Variants in CTNNA2 observed in about 807,000 individuals in gnomAD.
The protein encoded by CTNNA2 is catenin alpha-2.
CTNNA2 carries 42 observed loss-of-function variants against 101.0 expected under a neutral mutation model. The observed-to-expected ratio is 0.42, with a 90% CI of 0.32 to 0.54. The LOEUF (loss-of-function observed/expected upper bound fraction) is 0.54. Among genes scored for constraint, CTNNA2 ranks in the 20% least tolerant of loss-of-function variants. The pLI, the probability that CTNNA2 is intolerant of heterozygous loss-of-function variation, is 0.14. For missense variants in CTNNA2, 871 were observed against 1,223.1 expected (o/e 0.71, Z 4.29); for synonymous variants, 450 against 456.4 (o/e 0.99, Z 0.18).
intron 9 of CTNNA2, among the ~76,000 whole-genome samples, chr2:80,536,835 A>G (rs1053526342): frequency 3.9e-5 from 6 of 152,154 alleles, no homozygotes; most frequent in African/African-American, 1.2e-4. Flanking sequence ...TACAGCCACG[A>G]TGTAGTTTAT....
intron 2 of CTNNA2, among the ~76,000 whole-genome samples, chr2:79,261,474 T>G (rs939458510): frequency 3.3e-5 from 5 of 152,198 alleles, no homozygotes; most frequent in African/African-American, 7.2e-5. Flanking sequence ...TCACAGACTG[T>G]GTGGCTTAAA....
At chr2:79,965,599 G>A (rs779576561) in intron 7 of CTNNA2, among the ~76,000 whole-genome samples, 4 of 152,054 alleles carry the variant, frequency 2.6e-5, no homozygotes, top group Non-Finnish European at 5.9e-5. Context: ...CAAGGGGGGC[G>A]GATCACTTGA....
chr2:80,557,721 T>TG (rs1379292972), intron 12 of CTNNA2, among the ~76,000 whole-genome samples: 2 of 152,230 alleles, frequency 1.3e-5, no homozygotes, highest in Admixed American at 1.3e-4. Flanking sequence ...CTTGGACTGC[T>TG]TTGACAACAG....
chr2:80,279,615 C>T (rs955633644), intron 7 of CTNNA2, among the ~76,000 whole-genome samples: 12 of 152,056 alleles, frequency 7.9e-5, no homozygotes, highest in Non-Finnish European at 1.6e-4. Flanking sequence ...GCTTTGATGG[C>T]ACCCACCAAT....
rs1355024985 is a variant in CTNNA2 at position 80,404,366 on chromosome 2, C to T, written c.1137+11075C>T. 2.7e-5 allele frequency among the ~76,000 whole-genome samples: 4 copies of T among 150,710 alleles called. No individual in the cohort carries two copies. The East Asian group carries it at 6.0e-4, about 23-fold the overall frequency. On this transcript the variant is annotated intron_variant, in intron 8 of 18. Coordinates refer to ENST00000402739, the MANE Select transcript of CTNNA2 (RefSeq NM_001282597.3). ...CACAGCTCCTGGATTTGTTGATTTT[C>T]CCATTATATAGAGAAAAAAATAGTA... is the stretch of plus-strand genomic sequence containing the variant.
chr2:80,427,016 G>T (rs1217813648), intron 9 of CTNNA2, among the ~76,000 whole-genome samples: 1 of 151,902 alleles, frequency 6.6e-6, no homozygotes, highest in Non-Finnish European at 1.5e-5. Context: ...TAGTTCTTCT[G>T]CTTAGTTTAC....
intron 7 of CTNNA2, among the ~76,000 whole-genome samples, chr2:80,353,393 G>A (rs1363477705): frequency 6.6e-6 from 1 of 152,122 alleles, no homozygotes; most frequent in Non-Finnish European, 1.5e-5. Context: ...GTCTTCTGTT[G>A]TCAAATATCG....
intron 2 of CTNNA2, among the ~76,000 whole-genome samples, chr2:79,290,345 A>T (rs1205011289): frequency 6.6e-6 from 1 of 152,160 alleles, no homozygotes; most frequent in African/African-American, 2.4e-5. Flanking sequence ...CCTTTTTGAT[A>T]CTGATACGGG....
At chr2:79,335,250 A>G (rs746429401) in intron 3 of CTNNA2, among the ~76,000 whole-genome samples, 6 of 152,110 alleles carry the variant, frequency 3.9e-5, no homozygotes, top group Non-Finnish European at 8.8e-5. Flanking sequence ...AACTCTCCCT[A>G]TATGCATAAG....
chr2:79,237,531 G>T (rs1674572107), intron 2 of CTNNA2, among the ~76,000 whole-genome samples: 1 of 152,144 alleles, frequency 6.6e-6, no homozygotes, highest in Non-Finnish European at 1.5e-5. Flanking sequence ...CTTTAAAACT[G>T]AACATTGACT....
At chr2:80,060,310 C>T (rs1050568222) in intron 7 of CTNNA2, among the ~76,000 whole-genome samples, 5 of 152,172 alleles carry the variant, frequency 3.3e-5, no homozygotes, top group African/African-American at 1.2e-4. Context: ...TGGCTAAAGG[C>T]GGACACAGCT....
At chr2:80,551,535 G>A (rs1692557175) in intron 11 of CTNNA2, among the ~76,000 whole-genome samples, 1 of 152,224 alleles carries the variant, frequency 6.6e-6, no homozygotes, top group Non-Finnish European at 1.5e-5. Flanking sequence ...ATCTACATCA[G>A]CACTTGCTGG....
At chr2:79,313,966 G>C (rs924893454) in intron 3 of CTNNA2, among the ~76,000 whole-genome samples, 1 of 152,120 alleles carries the variant, frequency 6.6e-6, no homozygotes. Flanking sequence ...CTCTCACATG[G>C]GGACTGAGAG....
chr2:79,507,510 T>C (rs1671439515), intron 5 of CTNNA2, among the ~76,000 whole-genome samples: 1 of 152,148 alleles, frequency 6.6e-6, no homozygotes, highest in Non-Finnish European at 1.5e-5. Context: ...GCAAGAACGC[T>C]CTCACCATCT....
At chr2:79,995,692 T>C (rs1368917) in intron 7 of CTNNA2, among the ~76,000 whole-genome samples, 25,668 of 151,948 alleles carry the variant, frequency 0.17, 2,417 homozygotes, top group East Asian at 0.31. Flanking sequence ...TGCATCCCTG[T>C]GGTCCCAGGC....
intron 4 of CTNNA2, among the ~76,000 whole-genome samples, chr2:79,441,468 T>G (rs1678776937): frequency 6.6e-6 from 1 of 152,160 alleles, no homozygotes; most frequent in Admixed American, 6.6e-5. Flanking sequence ...GATACCATCA[T>G]ATACCCAGGG....
intron 7 of CTNNA2, among the ~76,000 whole-genome samples, chr2:80,013,074 G>A (rs1693895203): frequency 6.6e-6 from 1 of 152,120 alleles, no homozygotes; most frequent in Non-Finnish European, 1.5e-5. Context: ...ACTGATGGGA[G>A]AGGATCACCT....
chr2:80,269,566 T>G (rs1438721177), intron 7 of CTNNA2, among the ~76,000 whole-genome samples: 1 of 152,210 alleles, frequency 6.6e-6, no homozygotes, highest in Non-Finnish European at 1.5e-5. Context: ...AGTGTTAGTA[T>G]TGTCCTATAT....
rs545913730 is a variant in CTNNA2, at chr2:79,637,354, C to T, written c.-5-14198C>T. The stretch of plus-strand genomic sequence containing the variant: ...TGGGATGCAGGAAAGAAGAACCAAG[C>T]CCCATCTTCTAATAAGGCAATTGGG... On this transcript the variant is annotated intron_variant, in intron 1 of 18. Transcript: ENST00000402739. Among the ~76,000 whole-genome samples the T allele has an allele frequency of 2.0e-4, 31 of 152,194 alleles. 2 individuals carry two copies. The East Asian group carries it at 3.7e-3, about 18-fold the overall frequency.
Sources: allele counts gnomAD v4.1 joint callset (sites outside exome capture counted in the v4.1 genomes callset), GRCh38; gene constraint gnomAD v4.1.1; transcripts MANE v1.5; gene names NCBI Gene and HGNC (gene_info 2026-07-23, HGNC 2026-07-21).